DNAH9: variants seen among roughly 807,000 people sequenced by gnomAD.
DNAH9 encodes the protein DNAH9 variant protein.
In DNAH9, 345 loss-of-function variants were observed where a neutral mutation model predicts 471.6. The observed-to-expected ratio is 0.73, with a 90% CI of 0.67 to 0.80. The LOEUF (loss-of-function observed/expected upper bound fraction) is 0.80, where lower values mean the gene tolerates loss of function less well. Ranked by LOEUF, DNAH9 falls within the 30% of genes least tolerant of loss-of-function variation. The probability of loss-of-function intolerance (pLI) is 0.00; values close to 1 mark genes in which losing one functional copy is unlikely to be tolerated. For missense variants in DNAH9, 5,407 were observed against 5,609.2 expected (o/e 0.96, Z 1.15); for synonymous variants, 2,093 against 2,123.6 (o/e 0.99, Z 0.40).
At chr17:11,778,353 A>G (rs539609497) in intron 38 of DNAH9, among the ~76,000 whole-genome samples, 1,702 of 138,180 alleles carry the variant, frequency 0.012, 61 homozygotes, top group African/African-American at 0.046. Context: ...AAAAAAAAAA[A>G]AAAAAAAAAG....
chr17:11,890,501 T>A (rs1597794230), intron 57 of DNAH9, among the ~76,000 whole-genome samples: 1 of 151,982 alleles, frequency 6.6e-6, no homozygotes, highest in Admixed American at 6.6e-5. Context: ...ACTCAAATCT[T>A]ATCTGGTTTC....
chr17:11,925,969 T>C (rs1208045520), intron 62 of DNAH9, among the ~76,000 whole-genome samples: 1 of 132,274 alleles, frequency 7.6e-6, no homozygotes, highest in Non-Finnish European at 1.5e-5. Flanking sequence ...CCTGATGTAC[T>C]GAACTAGACT....
At position 11,875,027 on chromosome 17, in the gene DNAH9, G is replaced by A. The variant is rs138909212; in HGVS notation, c.10321G>A (p.Glu3441Lys). 12 of 1,614,122 alleles carry A rather than the reference G, an allele frequency of 7.4e-6. No individual in the cohort carries two copies. The highest frequency in any genetic ancestry group is 6.7e-5 in the African/African-American group (5 of 75,036). The change falls in exon 53 of 69, where the codon GAG becomes AAG. Residue 3441 changes from glutamate (E) to lysine (K), a missense_variant. By Grantham distance (56) the Glu-to-Lys change is moderately conservative (BLOSUM62 1). Transcript: ENST00000262442. ...DDADVAAWQN[E>K]GLPADRMSVE... Reference sequence around the variant, plus strand: ...TGCTGACGTGGCTGCCTGGCAGAACGAGGGCCTCCCAGCCGACCGCATGTC... The same window carrying A: ...TGCTGACGTGGCTGCCTGGCAGAACAAGGGCCTCCCAGCCGACCGCATGTC...
intron 55 of DNAH9, 106 bp from the exon 56 acceptor site, chr17:11,883,480 A>T (rs1972790901): frequency 4.3e-6 from 6 of 1,402,898 alleles, no homozygotes; most frequent in African/African-American, 1.4e-5. Flanking sequence ...TTCTGCCTCC[A>T]CTTTACTATC....
chr17:11,910,359 T>G (rs539907418), intron 61 of DNAH9, among the ~76,000 whole-genome samples: 6 of 152,178 alleles, frequency 3.9e-5, no homozygotes, highest in Non-Finnish European at 8.8e-5. Context: ...ATTTTCAAGG[T>G]TCAAACATGT....
At chr17:11,893,178 CAAAA>C (rs58420771) in intron 58 of DNAH9, among the ~76,000 whole-genome samples, 2 of 95,172 alleles carry the variant, frequency 2.1e-5, no homozygotes, top group Admixed American at 1.4e-4. Context: ...TTGGCCTTTG[CAAAA>C]AAAAAAAAAA....
At chr17:11,842,707 G>A (rs1971073506) in intron 49 of DNAH9, among the ~76,000 whole-genome samples, 3 of 152,186 alleles carry the variant, frequency 2.0e-5, no homozygotes, top group Admixed American at 2.0e-4. Flanking sequence ...AAGGCCAGAA[G>A]ACGCAGCAAG....
intron 26 of DNAH9, among the ~76,000 whole-genome samples, chr17:11,714,366 C>T (rs1473643592): frequency 6.6e-6 from 1 of 152,062 alleles, no homozygotes; most frequent in Non-Finnish European, 1.5e-5. Context: ...GAAATTTGTT[C>T]TATCGTCTAT....
chr17:11,861,293 C>T (rs201207499), intron 50 of DNAH9, among the ~76,000 whole-genome samples: 276 of 144,380 alleles, frequency 1.9e-3, no homozygotes, highest in Admixed American at 4.6e-3. Context: ...TTTTTTCTTG[C>T]GATAGTTTAC....
rs2072641287 is a variant in DNAH9, at chr17:11,611,706, T to C, written c.830T>C (p.Met277Thr). 6.2e-7 allele frequency: 1 copy of C among 1,613,892 alleles called. No homozygotes were observed. The highest frequency in any genetic ancestry group is 8.5e-7 in the Non-Finnish European group (1 of 1,179,836). ...CTGAGAACAATAACGGTGAGGGGCA[T>C]GGCCAAGCTCCTGGACAAGCTTCAG... The part of the protein sequence containing the change: ...NQLRTITVRG[M>T]AKLLDKLQSS... Residue 277 changes from methionine to threonine, a missense_variant, in exon 4 of 69, where the codon ATG becomes ACG. Around this residue, in one of 3 missense-constraint regions of DNAH9, gnomAD observed 767 missense variants for 692.5 expected, o/e 1.11. Coordinates refer to ENST00000262442, the MANE Select transcript of DNAH9 (RefSeq NM_001372.4).
chr17:11,683,026 G>C (rs2074163065), intron 19 of DNAH9, among the ~76,000 whole-genome samples: 1 of 152,062 alleles, frequency 6.6e-6, no homozygotes, highest in Non-Finnish European at 1.5e-5. Flanking sequence ...TTTTGAAATT[G>C]AACACCAATT....
At position 11,872,898 on chromosome 17, in the gene DNAH9, C is replaced by G. The variant is rs147457132; in HGVS notation, c.10242+1112C>G. ...TAGCACCACTGCACTCCAGCCTGGG[C>G]GACAGAGCGAGACTCCGTCTCAAAA... On this transcript the variant is annotated intron_variant, in intron 52 of 68. Coordinates refer to ENST00000262442, the MANE Select transcript of DNAH9 (RefSeq NM_001372.4). 7.9e-5 allele frequency among the ~76,000 whole-genome samples: 12 copies of G among 152,182 alleles called. No homozygotes were observed. In the East Asian group the frequency reaches 2.1e-3, roughly 27 times the overall value.
chr17:11,611,055 C>CTCCTGA (rs2072624914), intron 3 of DNAH9, among the ~76,000 whole-genome samples: 2 of 152,082 alleles, frequency 1.3e-5, no homozygotes, highest in Admixed American at 1.3e-4. Flanking sequence ...ATTGCTCCTG[C>CTCCTGA]TCCTGCTCCT....
In DNAH9 at chr17:11,763,350, C is replaced by T. The variant is rs1203010379; in HGVS notation, c.6996-90C>T. 5.9e-6 allele frequency: 7 copies of T among 1,182,760 alleles called. No individual in the cohort carries two copies. The African/African-American group carries it at 1.1e-4, about 18-fold the overall frequency. The allele number at this position is 1,182,760 out of a possible 1,614,324, so 73.3% of individuals were successfully genotyped here. A position where few individuals can be genotyped will look rare whatever the true frequency, so the allele number is the denominator to read the frequency against. ...AAGAACTTGACGGACCATGAGTCCA[C>T]TGAAACTGAGTGGTTCCATAGCTGT... On this transcript the variant is annotated intron_variant, in intron 35 of 68. Coordinates refer to ENST00000262442, the MANE Select transcript of DNAH9 (RefSeq NM_001372.4).
At chr17:11,798,053 C>T (rs1171875068) in intron 43 of DNAH9, among the ~76,000 whole-genome samples, 1 of 152,030 alleles carries the variant, frequency 6.6e-6, no homozygotes, top group Non-Finnish European at 1.5e-5. Context: ...ACAGTGACAG[C>T]AAGAACAGAC....
chr17:11,642,561 A>C (rs1364174086), intron 10 of DNAH9, among the ~76,000 whole-genome samples: 1 of 152,190 alleles, frequency 6.6e-6, no homozygotes, highest in Non-Finnish European at 1.5e-5. Flanking sequence ...TCAAAAAAAA[A>C]GTGTATTCTA....
At chr17:11,923,736 G>C (rs183966853) in intron 61 of DNAH9, 78 bp from the exon 62 acceptor site, 23 of 1,561,760 alleles carry the variant, frequency 1.5e-5, no homozygotes, top group Non-Finnish European at 2.0e-5. Flanking sequence ...TGATCTGAGC[G>C]TGTGCATTTC....
chr17:11,637,134 G>A (rs1045352609), intron 9 of DNAH9, among the ~76,000 whole-genome samples: 7 of 152,082 alleles, frequency 4.6e-5, no homozygotes, highest in South Asian at 2.1e-4. Flanking sequence ...ATGTTTACAC[G>A]CCTGAGAAAA....
chr17:11,810,528 A>G (rs1353005633), intron 45 of DNAH9, among the ~76,000 whole-genome samples, 159 bp downstream of exon 45: 1 of 152,226 alleles, frequency 6.6e-6, no homozygotes, highest in Non-Finnish European at 1.5e-5. Flanking sequence ...CCTTCTCAGC[A>G]TTGATGCTGG....
Sources: allele counts gnomAD v4.1 joint callset (sites outside exome capture counted in the v4.1 genomes callset), GRCh38; gene constraint gnomAD v4.1.1; regional missense constraint gnomAD v4.1.1; transcripts MANE v1.5; gene names NCBI Gene and HGNC (gene_info 2026-07-23, HGNC 2026-07-21).